The following LGSN variants were observed in gnomAD, a reference collection of about 807,000 sequenced individuals.
The protein encoded by LGSN is lengsin.
Under a neutral mutation model 19.5 loss-of-function variants are expected in LGSN, and 21 were observed. The observed-to-expected ratio is 1.07, with a 90% CI of 0.76 to 1.55. The LOEUF (loss-of-function observed/expected upper bound fraction) is 1.55. Ranked by LOEUF, LGSN falls within the 40% of genes most tolerant of loss-of-function variation. The pLI is 0.00. For missense variants in LGSN, 673 were observed against 608.5 expected, an observed-to-expected ratio of 1.11 and a Z score of -1.12; for synonymous variants, 257 against 215.6, an observed-to-expected ratio of 1.19 and a Z score of -1.68.
chr6:63,345,307 A>T, the LGSN span, among the ~76,000 whole-genome samples: 1 of 152,140 alleles, frequency 6.6e-6, no homozygotes, highest in Non-Finnish European at 1.5e-5. Context: ...TAAATTTAAA[A>T]TTTTAAATGC....
chr6:63,390,121 T>TTTTC, the LGSN span, among the ~76,000 whole-genome samples: 1 of 123,180 alleles, frequency 8.1e-6, no homozygotes, highest in Non-Finnish European at 1.7e-5. Flanking sequence ...TTTCTTTCTT[T>TTTTC]TTTTTTTTTT....
At chr6:63,420,019 G>T in the LGSN span, among the ~76,000 whole-genome samples, 2 of 145,108 alleles carry the variant, frequency 1.4e-5, no homozygotes, top group African/African-American at 5.0e-5. Flanking sequence ...TGGCTAACAC[G>T]GTGAAACCCC....
chr6:63,458,850 A>G, the LGSN span, among the ~76,000 whole-genome samples: 1 of 152,236 alleles, frequency 6.6e-6, no homozygotes, highest in Non-Finnish European at 1.5e-5. Flanking sequence ...TGTATTTTCC[A>G]TCATGGGAAG....
the LGSN span, among the ~76,000 whole-genome samples, chr6:63,412,985 TAGAA>T: frequency 1.3e-5 from 2 of 151,800 alleles, no homozygotes; most frequent in Non-Finnish European, 2.9e-5. Context: ...GAGGGCAAGT[TAGAA>T]AGAAGAAATT....
the LGSN span, among the ~76,000 whole-genome samples, chr6:63,532,643 A>T: frequency 3.9e-5 from 6 of 152,200 alleles, no homozygotes; most frequent in African/African-American, 1.4e-4. Context: ...ACAGCTTTCA[A>T]CCGAAGAGCA....
the LGSN span, among the ~76,000 whole-genome samples, chr6:63,328,457 C>T: frequency 6.6e-6 from 1 of 152,206 alleles, no homozygotes. Context: ...CCATAAACTT[C>T]CTTTGGCACC....
rs149138199 is a variant in LGSN at position 63,280,889 on chromosome 6, G to A, written c.662C>T (p.Ser221Leu). Residue 221 changes from serine (S) to leucine (L), a missense_variant, in exon 4 of 4, where the codon TCA becomes TTA. Physicochemically the swap from Ser to Leu is moderately radical, Grantham distance 145. Transcript: ENST00000370657. ...TAAAGCAGGAAAAGATATAATCTTT[G>A]AATTTAAAATTTCGGGCACACCAAA... ...CIFGVPEILN[S>L]KIISFPALTF... The A allele has an allele frequency of 1.6e-5, 26 of 1,613,812 alleles. No individual in the cohort carries two copies. Among genetic ancestry groups the A allele is most frequent in the Admixed American group, 1.7e-5 (1 of 59,990 alleles).
the LGSN span, among the ~76,000 whole-genome samples, chr6:63,459,241 AT>A: frequency 8.5e-5 from 13 of 152,136 alleles, no homozygotes; most frequent in East Asian, 3.9e-4. Context: ...CTCTCAAAAG[AT>A]TTTTTTTATG....
chr6:63,279,141 C>T lies in LGSN; in HGVS notation c.*880G>A, dbSNP rs141157663. 2 of 152,300 alleles carry T rather than the reference C, an allele frequency of 1.3e-5. No individual in the cohort carries two copies. Among genetic ancestry groups the T allele is most frequent in the Non-Finnish European group, 2.9e-5 (2 of 68,040 alleles). The allele number at this position is 152,300 out of a possible 1,614,324, so 9.4% of individuals were successfully genotyped here. A position where few individuals can be genotyped will look rare whatever the true frequency, so the allele number is the denominator to read the frequency against. On this transcript the variant is annotated 3_prime_UTR_variant, in exon 4 of 4. Coordinates refer to ENST00000370657, the MANE Select transcript of LGSN (RefSeq NM_016571.3). ...TAACAAACTTAAACTCCAAACATAG[C>T]CCTGGCTAGCCAGGCAGTTGTTCTC...
At chr6:63,431,990 C>T in the LGSN span, among the ~76,000 whole-genome samples, 2 of 150,680 alleles carry the variant, frequency 1.3e-5, no homozygotes, top group South Asian at 2.1e-4. Context: ...GCAGGAGAAT[C>T]ACTTGAACCC....
At chr6:63,353,491 G>C in the LGSN span, among the ~76,000 whole-genome samples, 1 of 149,596 alleles carries the variant, frequency 6.7e-6, no homozygotes, top group Non-Finnish European at 1.5e-5. Flanking sequence ...AGAACGTAAG[G>C]TGAAGTTTTC....
the LGSN span, among the ~76,000 whole-genome samples, chr6:63,562,165 T>G: frequency 1.3e-5 from 2 of 152,072 alleles, no homozygotes; most frequent in African/African-American, 4.8e-5. Context: ...TTACAATTAT[T>G]TATTTATCTT....
chr6:63,528,862 GT>G, the LGSN span, among the ~76,000 whole-genome samples: 1 of 151,848 alleles, frequency 6.6e-6, no homozygotes, highest in Non-Finnish European at 1.5e-5. Flanking sequence ...GCCGAGGCCG[GT>G]GGATTACCTG....
the LGSN span, chr6:63,442,033 G>A: frequency 1.3e-4 from 22 of 168,108 alleles, no homozygotes; most frequent in East Asian, 4.1e-3. Context: ...CCTTCTGGTG[G>A]GTTTGTGGTC....
At chr6:63,333,204 G>T in the LGSN span, among the ~76,000 whole-genome samples, 2 of 151,960 alleles carry the variant, frequency 1.3e-5, no homozygotes, top group Non-Finnish European at 2.9e-5. Context: ...CTGGCTGGTA[G>T]AGCCAAGTGG....
At chr6:63,534,968 G>A in the LGSN span, among the ~76,000 whole-genome samples, 1 of 152,038 alleles carries the variant, frequency 6.6e-6, no homozygotes, top group East Asian at 1.9e-4. Context: ...GCTGAGGCAG[G>A]AGAATTGCTT....
the LGSN span, among the ~76,000 whole-genome samples, chr6:63,415,095 A>G: frequency 6.6e-6 from 1 of 152,098 alleles, no homozygotes; most frequent in Non-Finnish European, 1.5e-5. Flanking sequence ...AGGCAGGTGG[A>G]TCACCTAGGA....
chr6:63,519,539 A>G, the LGSN span, among the ~76,000 whole-genome samples: 1 of 152,196 alleles, frequency 6.6e-6, no homozygotes, highest in Non-Finnish European at 1.5e-5. Flanking sequence ...CTGACTTTCC[A>G]CTAATAAGGG....
At chr6:63,401,903 T>C in the LGSN span, among the ~76,000 whole-genome samples, 34 of 152,276 alleles carry the variant, frequency 2.2e-4, no homozygotes, top group Middle Eastern at 3.4e-3. Flanking sequence ...CTTACCAACA[T>C]GTGAAAAGGG....
Sources: gnomAD v4.1 joint callset for allele counts (sites outside exome capture counted in the v4.1 genomes callset) on GRCh38, gnomAD v4.1.1 for gene constraint, MANE v1.5 for transcripts, NCBI Gene and HGNC (gene_info 2026-07-23, HGNC 2026-07-21) for gene names.